Variants in DPP6 observed in about 807,000 individuals in gnomAD.
DPP6 encodes the protein dipeptidyl peptidase like 6.
DPP6 carries 69 observed loss-of-function variants against 122.6 expected under a neutral mutation model. The observed-to-expected ratio is 0.56, with a 90% confidence interval of 0.46 to 0.69. The LOEUF is 0.69. Ranked by LOEUF, DPP6 falls within the 30% of genes least tolerant of loss-of-function variation. The pLI is 0.00. For synonymous variants in DPP6, 418 were observed against 433.1 expected, an observed-to-expected ratio of 0.97 and a Z score of 0.43; for missense variants, 928 against 1,116.9, an observed-to-expected ratio of 0.83 and a Z score of 2.41.
intron 1 of DPP6, among the ~76,000 whole-genome samples, chr7:154,113,408 T>C (rs1325261983): frequency 8.2e-5 from 12 of 146,530 alleles, no homozygotes; most frequent in African/African-American, 3.3e-4. Context: ...TATATATATA[T>C]ATATACACAC....
chr7:153,976,457 T>C lies in DPP6; in HGVS notation c.51+88723T>C, dbSNP rs563412042. The stretch of plus-strand genomic sequence containing the variant: ...AGCTTCCTGTGGTGTTTCAGTCTTA[T>C]TATCCCTCCAGGGATCCAGAAGTCA... On this transcript the variant is annotated intron_variant, in intron 1 of 25. Coordinates refer to the DPP6 transcript ENST00000404039. Among the ~76,000 whole-genome samples the C allele has an allele frequency of 2.0e-5, 3 of 152,308 alleles. No individual in the cohort carries two copies. In the South Asian group the frequency reaches 6.2e-4, roughly 32 times the overall value.
intron 7 of DPP6, among the ~76,000 whole-genome samples, chr7:154,674,358 G>A (rs1426542831): frequency 6.6e-6 from 1 of 152,196 alleles, no homozygotes; most frequent in Non-Finnish European, 1.5e-5. Flanking sequence ...CACAGACTTT[G>A]AGGCAGCCGC....
chr7:154,132,634 A>G (rs1018109537), intron 1 of DPP6, among the ~76,000 whole-genome samples: 11 of 152,100 alleles, frequency 7.2e-5, no homozygotes, highest in South Asian at 4.1e-4. Flanking sequence ...CTTCAAATGC[A>G]TCGTGTCCTC....
At chr7:154,203,602 G>T (rs1028357194) in intron 1 of DPP6, among the ~76,000 whole-genome samples, 1 of 152,150 alleles carries the variant, frequency 6.6e-6, no homozygotes, top group African/African-American at 2.4e-5. Flanking sequence ...CACCAAGCAA[G>T]CGACATATCC....
intron 1 of DPP6, among the ~76,000 whole-genome samples, chr7:154,251,330 C>T (rs1802335987): frequency 6.6e-6 from 1 of 152,064 alleles, no homozygotes; most frequent in Admixed American, 6.5e-5. Flanking sequence ...GATGGAAAAA[C>T]AGATATGGGA....
rs569040673 is a variant in DPP6, at chr7:154,816,081, A to G, written c.1666+8969A>G. Among the ~76,000 whole-genome samples the G allele has an allele frequency of 8.1e-4, 124 of 152,294 alleles. 1 individual carries two copies. The highest frequency in any genetic ancestry group is 3.4e-3 in the Middle Eastern group (1 of 294). On this transcript the variant is annotated intron_variant, in intron 16 of 25. Transcript: ENST00000377770. ...GTATGGAACCGTAGAGCTGGGTTCA[A>G]ACCTGGACTCTGCCACCTACAGCTT...
intron 1 of DPP6, among the ~76,000 whole-genome samples, chr7:153,954,050 C>A (rs1209858178): frequency 6.6e-6 from 1 of 152,170 alleles, no homozygotes; most frequent in Non-Finnish European, 1.5e-5. Context: ...ATCTCCTTCA[C>A]GTAAATGTCA....
intron 1 of DPP6, among the ~76,000 whole-genome samples, chr7:154,015,611 C>T (rs897518985): frequency 2.6e-5 from 4 of 152,178 alleles, no homozygotes; most frequent in African/African-American, 9.7e-5. Context: ...GGTGCTCAAG[C>T]CACAAGCCCT....
chr7:154,594,011 C>T (rs1445886072), intron 5 of DPP6, among the ~76,000 whole-genome samples: 1 of 152,188 alleles, frequency 6.6e-6, no homozygotes, highest in Non-Finnish European at 1.5e-5. Flanking sequence ...ATGAGGAGCT[C>T]TCAAAGAAAA....
chr7:154,700,924 TCAGA>T (rs751790084), intron 7 of DPP6, among the ~76,000 whole-genome samples: 4 of 152,142 alleles, frequency 2.6e-5, no homozygotes, highest in Non-Finnish European at 5.9e-5. Context: ...GACCTTCCCA[TCAGA>T]CAGACCACAG....
intron 1 of DPP6, among the ~76,000 whole-genome samples, chr7:154,301,309 C>T (rs1320080536): frequency 1.3e-5 from 2 of 152,152 alleles, no homozygotes; most frequent in African/African-American, 4.8e-5. Flanking sequence ...CATTGAGCAC[C>T]TCTTCTGTGC....
chr7:154,150,460 A>C (rs1172336725), intron 1 of DPP6, among the ~76,000 whole-genome samples: 1 of 152,240 alleles, frequency 6.6e-6, no homozygotes, highest in Non-Finnish European at 1.5e-5. Flanking sequence ...ACTGAAAAAC[A>C]GAGCAAAAGG....
intron 16 of DPP6, among the ~76,000 whole-genome samples, chr7:154,843,286 A>G (rs980153710): frequency 6.6e-6 from 1 of 152,234 alleles, no homozygotes; most frequent in Non-Finnish European, 1.5e-5. Flanking sequence ...TGGGCAACAG[A>G]GCGAGACCTT....
chr7:153,857,280 T>G, the DPP6 span, among the ~76,000 whole-genome samples: 1 of 149,830 alleles, frequency 6.7e-6, no homozygotes, highest in Non-Finnish European at 1.5e-5. Flanking sequence ...GCCATAACCC[T>G]AATCTATACT....
At chr7:154,198,117 G>A (rs1290347258) in intron 1 of DPP6, among the ~76,000 whole-genome samples, 6 of 152,040 alleles carry the variant, frequency 3.9e-5, no homozygotes, top group South Asian at 4.1e-4. Flanking sequence ...CCTGGAGCAC[G>A]GGGCCCTGTG....
rs141286807 is a variant in DPP6 at position 154,641,643 on chromosome 7, CAT to C, written c.680+3774_680+3775del. ...AGCTTTCTATCTATCTATACACACA[CAT>C]ATACATAATACACACTTTTAATAAT... is the stretch of plus-strand genomic sequence containing the variant. On this transcript the variant is annotated intron_variant, in intron 6 of 25. Coordinates refer to ENST00000377770, the MANE Select transcript of DPP6 (RefSeq NM_130797.4). Among the ~76,000 whole-genome samples, 811 of 152,286 alleles carry C rather than the reference CAT, an allele frequency of 5.3e-3. 6 individuals carry two copies. The highest frequency in any genetic ancestry group is 0.018 in the African/African-American group (767 of 41,572).
At chr7:154,459,229 A>T (rs975098470) in intron 2 of DPP6, among the ~76,000 whole-genome samples, 1 of 152,210 alleles carries the variant, frequency 6.6e-6, no homozygotes, top group Admixed American at 6.5e-5. Context: ...AACCCCTTAC[A>T]ATGTGTAAAG....
chr7:154,758,008 G>C (rs183312819), intron 8 of DPP6, among the ~76,000 whole-genome samples: 4 of 149,378 alleles, frequency 2.7e-5, no homozygotes, highest in African/African-American at 9.8e-5. Flanking sequence ...CGCCACGCAC[G>C]GCCTCCTGGC....
intron 7 of DPP6, among the ~76,000 whole-genome samples, chr7:154,672,144 T>C (rs1838607389): frequency 6.6e-6 from 1 of 152,188 alleles, no homozygotes; most frequent in Non-Finnish European, 1.5e-5. Flanking sequence ...CGAGATCTGA[T>C]GGTTTCCCCC....
Sources: allele counts gnomAD v4.1 joint callset (sites outside exome capture counted in the v4.1 genomes callset), GRCh38; gene constraint gnomAD v4.1.1; transcripts MANE v1.5; gene names NCBI Gene and HGNC (gene_info 2026-07-23, HGNC 2026-07-21).